Variants in SYNDIG1 observed in about 807,000 individuals in gnomAD.
SYNDIG1 encodes synapse differentiation inducing 1, also known as synapse differentiation-inducing gene protein 1.
SYNDIG1 carries 9 observed loss-of-function variants against 19.4 expected under a neutral mutation model. The observed-to-expected ratio is 0.46, with a 90% CI of 0.28 to 0.81. The LOEUF is 0.81. SYNDIG1 is among the 30% of genes least tolerant of loss of function. The pLI, the probability that SYNDIG1 is intolerant of heterozygous loss-of-function variation, is 0.12. For synonymous variants in SYNDIG1, 141 were observed against 145.9 expected, an observed-to-expected ratio of 0.97 and a Z score of 0.24; for missense variants, 311 against 343.3, an observed-to-expected ratio of 0.91 and a Z score of 0.74.
intron 1 of SYNDIG1, among the ~76,000 whole-genome samples, chr20:24,533,553 G>T (rs1318872429): frequency 6.6e-6 from 1 of 152,064 alleles, no homozygotes; most frequent in East Asian, 1.9e-4. Flanking sequence ...GAGAGGAGGG[G>T]ATCCCGGGAA....
At chr20:24,503,956 G>GTTT (rs777270289) in intron 1 of SYNDIG1, among the ~76,000 whole-genome samples, 1,631 of 125,234 alleles carry the variant, frequency 0.013, 69 homozygotes, top group African/African-American at 0.05. Flanking sequence ...GGGAGAGCAG[G>GTTT]TTTTTTTTTT....
chr20:24,599,064 GGAA>G (rs2058639014), intron 3 of SYNDIG1, among the ~76,000 whole-genome samples: 1 of 152,132 alleles, frequency 6.6e-6, no homozygotes, highest in Admixed American at 6.6e-5. Flanking sequence ...CTTGCAGAGA[GGAA>G]GAAAATATTT....
At chr20:24,579,773 A>G (rs1568657853) in intron 2 of SYNDIG1, among the ~76,000 whole-genome samples, 1 of 152,196 alleles carries the variant, frequency 6.6e-6, no homozygotes, top group Non-Finnish European at 1.5e-5. Flanking sequence ...GATGCTCACC[A>G]GAGTCGGTGA....
At chr20:24,575,313 C>T (rs183265208) in intron 2 of SYNDIG1, among the ~76,000 whole-genome samples, 4 of 152,314 alleles carry the variant, frequency 2.6e-5, no homozygotes, top group South Asian at 2.1e-4. Flanking sequence ...AGAAATAGGA[C>T]GGAGGTGATC....
intron 3 of SYNDIG1, chr20:24,597,020 G>T (rs544073424): frequency 2.0e-5 from 3 of 152,358 alleles, no homozygotes; most frequent in African/African-American, 4.8e-5. Flanking sequence ...TGCTGAGGAG[G>T]GGGGAGTGCA....
chr20:24,631,543 A>C (rs1419372442), intron 3 of SYNDIG1, among the ~76,000 whole-genome samples: 1 of 152,252 alleles, frequency 6.6e-6, no homozygotes. Context: ...CTTCATAAAA[A>C]GGTGAGATTT....
intron 3 of SYNDIG1, among the ~76,000 whole-genome samples, chr20:24,605,221 C>G (rs2058737219): frequency 6.6e-6 from 1 of 152,162 alleles, no homozygotes; most frequent in Non-Finnish European, 1.5e-5. Flanking sequence ...CATCTACCTC[C>G]CTGGGTGAGT....
Position 24,543,456 on chromosome 20 carries a change from C to T in SYNDIG1, c.359C>T (p.Ser120Leu), listed in dbSNP as rs781070155. Reference sequence around the variant, plus strand: ...GAGACCACCTTCATCGAGGACCGGTCGCCCACCAAAGACAGCCTCGAGTAC... The same window carrying T: ...GAGACCACCTTCATCGAGGACCGGTTGCCCACCAAAGACAGCCTCGAGTAC... ...CCETTFIEDRSPTKDSLEYPD... is the reference protein window; with the variant it reads ...CCETTFIEDRLPTKDSLEYPD... The change falls in exon 2 of 4, where the codon TCG becomes TTG. Residue 120 changes from serine to leucine, a missense_variant. By Grantham distance (145) the Ser-to-Leu change is moderately radical. Transcript: ENST00000376862. The T allele has an allele frequency of 2.5e-6, 4 of 1,613,522 alleles. No individual in the cohort carries two copies. Among genetic ancestry groups the T allele is most frequent in the South Asian group, 1.1e-5 (1 of 91,074 alleles).
intron 3 of SYNDIG1, among the ~76,000 whole-genome samples, chr20:24,650,312 G>A (rs555616101): frequency 1.1e-4 from 17 of 152,240 alleles, no homozygotes; most frequent in Non-Finnish European, 1.9e-4. Context: ...GAGGCACCAC[G>A]TTTATAAACA....
chr20:24,499,913 A>G (rs570090536), intron 1 of SYNDIG1, among the ~76,000 whole-genome samples: 1 of 152,324 alleles, frequency 6.6e-6, no homozygotes, highest in Non-Finnish European at 1.5e-5. Flanking sequence ...CTTATAAATC[A>G]TGCCAGTAAT....
intron 2 of SYNDIG1, among the ~76,000 whole-genome samples, chr20:24,552,006 G>A (rs907742351): frequency 2.0e-5 from 3 of 152,142 alleles, no homozygotes; most frequent in Admixed American, 6.5e-5. Flanking sequence ...ATTCCTGTTC[G>A]TGTCTCCTGT....
intron 1 of SYNDIG1, among the ~76,000 whole-genome samples, chr20:24,501,124 A>G (rs1391628482): frequency 6.6e-6 from 1 of 152,248 alleles, no homozygotes; most frequent in Non-Finnish European, 1.5e-5. Flanking sequence ...TATGTAGATA[A>G]CATCTATCTA....
intron 3 of SYNDIG1, among the ~76,000 whole-genome samples, chr20:24,626,412 C>G (rs538309855): frequency 6.4e-4 from 97 of 151,400 alleles, no homozygotes; most frequent in African/African-American, 2.2e-3. Flanking sequence ...CGTGGCCGGG[C>G]CGAGGCGCTC....
Position 24,584,748 on chromosome 20 carries a change from C to T in SYNDIG1, c.481-108C>T, listed in dbSNP as rs1233133267. 2.7e-5 allele frequency: 41 copies of T among 1,503,150 alleles called. No individual in the cohort carries two copies. The East Asian group carries it at 3.0e-4, about 11-fold the overall frequency. The allele number at this position is 1,503,150 out of a possible 1,614,324, so 93.1% of individuals were successfully genotyped here. On this transcript the variant is annotated intron_variant, in intron 2 of 3. Coordinates refer to ENST00000376862, the MANE Select transcript of SYNDIG1 (RefSeq NM_024893.3). ...AACGTCAGCAACTGCAGCTGCCTCC[C>T]GGGGAGGGCCTGCGCCAGCCAGGGG...
At chr20:24,516,966 C>T (rs2056879922) in intron 1 of SYNDIG1, among the ~76,000 whole-genome samples, 1 of 152,110 alleles carries the variant, frequency 6.6e-6, no homozygotes, top group South Asian at 2.1e-4. Context: ...GAATGATATG[C>T]AGCCATAGAA....
intron 3 of SYNDIG1, among the ~76,000 whole-genome samples, chr20:24,585,788 AG>A (rs1345833717): frequency 6.6e-6 from 1 of 152,222 alleles, no homozygotes; most frequent in East Asian, 1.9e-4. Context: ...CAACCAAAAC[AG>A]GGAGAAAGAG....
intron 2 of SYNDIG1, among the ~76,000 whole-genome samples, chr20:24,555,045 G>A (rs1600609802): frequency 6.6e-6 from 1 of 152,278 alleles, no homozygotes; most frequent in South Asian, 2.1e-4. Flanking sequence ...GGGTGTATGT[G>A]TCAAGGAATT....
At chr20:24,550,970 C>G (rs1380390848) in intron 2 of SYNDIG1, among the ~76,000 whole-genome samples, 1 of 152,172 alleles carries the variant, frequency 6.6e-6, no homozygotes, top group Non-Finnish European at 1.5e-5. Flanking sequence ...CTGCAGTTTT[C>G]TCTTCTTGTG....
chr20:24,608,653 C>A (rs1297550881), intron 3 of SYNDIG1, among the ~76,000 whole-genome samples: 1 of 152,106 alleles, frequency 6.6e-6, no homozygotes, highest in Non-Finnish European at 1.5e-5. Flanking sequence ...ACGGATGAGA[C>A]AATAATTAAA....
Sources: gnomAD v4.1 joint callset for allele counts (sites outside exome capture counted in the v4.1 genomes callset) on GRCh38, gnomAD v4.1.1 for gene constraint, MANE v1.5 for transcripts, NCBI Gene and HGNC (gene_info 2026-07-23, HGNC 2026-07-21) for gene names.